TMC3: variants seen among roughly 807,000 people sequenced by gnomAD.
TMC3 encodes transmembrane channel like 3.
TMC3 carries 98 observed loss-of-function variants against 110.6 expected under a neutral mutation model. The observed-to-expected ratio is 0.89, with a 90% CI of 0.75 to 1.05. The LOEUF is 1.05. Among genes scored for constraint, TMC3 ranks in the 50% least tolerant of loss-of-function variants. TMC3 has a pLI of 0.00. For synonymous variants in TMC3, 489 were observed against 513.1 expected (o/e 0.95, Z 0.63); for missense variants, 1,319 against 1,373.2 (o/e 0.96, Z 0.62).
At chr15:81,373,932 C>G (rs1567072547) in intron 1 of TMC3, 57 bp downstream of exon 1, 1 of 1,512,290 alleles carries the variant, frequency 6.6e-7, no homozygotes, top group Non-Finnish European at 9.1e-7. Context: ...GTGACCCATG[C>G]ATTCCTTCCT....
rs911672765 is a variant in TMC3, at chr15:81,362,359, G to T, written c.313-58C>A. On this transcript the variant is annotated intron_variant, in intron 3 of 21. Transcript: ENST00000359440. ...CGTACATGAAGATGGCAATGGCTGTGCAGTACTAGGCACCTAAATGGAGTA... is the reference window on the plus strand; with the variant it reads ...CGTACATGAAGATGGCAATGGCTGTTCAGTACTAGGCACCTAAATGGAGTA... The T allele has an allele frequency of 6.1e-6, 8 of 1,317,816 alleles. No homozygotes were observed. In the South Asian group the frequency reaches 7.4e-5, roughly 12 times the overall value. The allele number at this position is 1,317,816 out of a possible 1,614,324, so 81.6% of individuals were successfully genotyped here.
In TMC3 at chr15:81,332,730, C is replaced by T. The variant is rs200706433; in HGVS notation, c.2992G>A (p.Glu998Lys). ...CTCTCAAGGTGACCCTCAAAATCTT[C>T]ATTCCACGACTTGTAGTGCACCCTC... ...QGRVHYKSWNEDFEGHLERPA... is the reference protein window; with the variant it reads ...QGRVHYKSWNKDFEGHLERPA... The change falls in exon 22 of 22, where the codon GAA becomes AAA. Residue 998 changes from glutamate to lysine, a missense_variant. Transcript: ENST00000359440. 2 of 1,613,764 alleles carry T rather than the reference C, an allele frequency of 1.2e-6. No homozygotes were observed. Among genetic ancestry groups the T allele is most frequent in the Non-Finnish European group, 1.7e-6 (2 of 1,179,836 alleles).
intron 3 of TMC3, among the ~76,000 whole-genome samples, chr15:81,364,714 T>TA (rs983387408): frequency 8.4e-6 from 1 of 118,886 alleles, no homozygotes; most frequent in Admixed American, 7.9e-5. Flanking sequence ...AAAAAAAAAA[T>TA]AAAAAATAAA....
Position 81,337,848 on chromosome 15 carries a change from T to C in TMC3, c.2158A>G (p.Asn720Asp). 3 of 1,613,430 alleles carry C rather than the reference T, an allele frequency of 1.9e-6. No homozygotes were observed. Among genetic ancestry groups the C allele is most frequent in the African/African-American group, 2.7e-5 (2 of 75,044 alleles). Residue 720 changes from asparagine (N) to aspartate (D), a missense_variant and splice_region_variant, in exon 19 of 22, where the codon AAC (asparagine) becomes GAC (aspartate). Asn to Asp is a conservative substitution (Grantham distance 23). Coordinates refer to ENST00000359440, the MANE Select transcript of TMC3 (RefSeq NM_001080532.3). Reference sequence around the variant, plus strand: ...AGCAAAGTTCATGAAATACTTGCGTTTTGGATCTGCATTTTGAGCTGGTGG... The same window carrying C: ...AGCAAAGTTCATGAAATACTTGCGTCTTGGATCTGCATTTTGAGCTGGTGG... ...SNHQLKMQIQ[N>D]ARSEDKKKVA...
At chr15:81,337,329 G>A (rs995681407) in intron 19 of TMC3, among the ~76,000 whole-genome samples, 4 of 152,166 alleles carry the variant, frequency 2.6e-5, no homozygotes, top group African/African-American at 9.7e-5. Flanking sequence ...AGGAGAAATT[G>A]TGGGAGTTTT....
At chr15:81,355,800 T>C in intron 8 of TMC3, 32 bp from the exon 9 acceptor site, 1 of 1,375,816 alleles carries the variant, frequency 7.3e-7, no homozygotes, top group Non-Finnish European at 1.0e-6. Context: ...CAATAAAAGC[T>C]TAGCATCATC....
chr15:81,339,395 T>C lies in TMC3; in HGVS notation c.1954A>G (p.Ser652Gly). 1 of 1,607,516 alleles carries C rather than the reference T, an allele frequency of 6.2e-7. No homozygotes were observed. The highest frequency in any genetic ancestry group is 8.5e-7 in the Non-Finnish European group (1 of 1,176,624). ...GGCAGAGCTGGGAACGAAACTTACC[T>C]GAATGGCCCACAGTTTAGAGATGGC... is the stretch of plus-strand genomic sequence containing the variant. The part of the protein sequence containing the change: ...YKPSLNCGPF[S>G]GQEKIYDIVS... The change falls in exon 17 of 22, where the codon AGT becomes GGT. Residue 652 changes from serine (S) to glycine (G), a missense_variant and splice_region_variant. Transcript: ENST00000359440.
rs774243935 is a variant in TMC3, at chr15:81,332,883, C to G, written c.2839G>C (p.Glu947Gln). The G allele has an allele frequency of 4.3e-6, 7 of 1,613,292 alleles. No homozygotes were observed. In the East Asian group the frequency reaches 1.6e-4, roughly 36 times the overall value. ...PSPQLSEEEE[E>Q]TPSRDWIKRS... ...TTGATCCAATCTCTGCTTGGCGTCT[C>G]CTCCTCTTCTTCACTCAGCTGTGGG... is the stretch of plus-strand genomic sequence containing the variant. The change falls in exon 22 of 22, where the codon GAG becomes CAG. Residue 947 changes from glutamate to glutamine, a missense_variant. Physicochemically the swap from Glu to Gln is conservative, Grantham distance 29 (BLOSUM62 2). Transcript: ENST00000359440.
chr15:81,366,262 G>A (rs762738974), intron 3 of TMC3, among the ~76,000 whole-genome samples: 5 of 152,190 alleles, frequency 3.3e-5, no homozygotes, highest in Non-Finnish European at 7.3e-5. Flanking sequence ...GTCAGGGAAG[G>A]TCTAGCTGAG....
intron 9 of TMC3, 148 bp downstream of exon 9, chr15:81,355,577 C>A: frequency 1.6e-6 from 1 of 623,388 alleles, no homozygotes; most frequent in Non-Finnish European, 2.8e-6. Context: ...AAAAATCATT[C>A]AGTTCCCTCA....
intron 1 of TMC3, among the ~76,000 whole-genome samples, chr15:81,373,567 T>C (rs1002863600): frequency 6.6e-6 from 1 of 152,242 alleles, no homozygotes. Flanking sequence ...CCTTTATAAA[T>C]ATTTAACAAA....
chr15:81,368,842 T>G (rs1476958781), intron 2 of TMC3, among the ~76,000 whole-genome samples: 1 of 152,224 alleles, frequency 6.6e-6, no homozygotes, highest in Non-Finnish European at 1.5e-5. Flanking sequence ...AACAAACTTC[T>G]AACACACTGA....
rs780781989 is a variant in TMC3 at position 81,346,482 on chromosome 15, G to A, written c.1194-39C>T. ...GCCCACCTTGAGAAACAAGACCATG[G>A]CATAGAAGTCCGTGGTTCTAGAGCC... On this transcript the variant is annotated intron_variant, in intron 11 of 21. Transcript: ENST00000359440. The A allele has an allele frequency of 3.5e-5, 56 of 1,597,648 alleles. No homozygotes were observed. In the Middle Eastern group the frequency reaches 5.0e-4, roughly 14 times the overall value.
At chr15:81,360,307 T>G (rs1013205343) in intron 4 of TMC3, among the ~76,000 whole-genome samples, 4 of 152,222 alleles carry the variant, frequency 2.6e-5, no homozygotes, top group Non-Finnish European at 2.9e-5. Context: ...TTGTATAAGA[T>G]TGGCATTTCT....
chr15:81,356,614 A>G lies in TMC3; in HGVS notation c.744-20T>C. ...GCCATCCTGCAAAAGAGGAGCACAA[A>G]CAGGTCTTGGGAGTCTCAGGAATAG... On this transcript the variant is annotated intron_variant, in intron 7 of 21. Coordinates refer to ENST00000359440, the MANE Select transcript of TMC3 (RefSeq NM_001080532.3). 6.3e-7 allele frequency: 1 copy of G among 1,578,022 alleles called. No homozygotes were observed. Among genetic ancestry groups the G allele is most frequent in the South Asian group, 1.2e-5 (1 of 85,552 alleles).
intron 14 of TMC3, 25 bp downstream of exon 14, chr15:81,343,892 C>T: frequency 6.2e-7 from 1 of 1,606,950 alleles, no homozygotes; most frequent in Non-Finnish European, 8.5e-7. Flanking sequence ...ATAAACTTTC[C>T]CAACAGACAC....
intron 2 of TMC3, among the ~76,000 whole-genome samples, chr15:81,370,461 C>T (rs376507243): frequency 9.5e-4 from 144 of 152,206 alleles, no homozygotes; most frequent in African/African-American, 3.2e-3. Context: ...AACACATGGC[C>T]GGTGTCAGCC....
intron 3 of TMC3, among the ~76,000 whole-genome samples, chr15:81,367,608 A>G (rs1168717078): frequency 1.3e-5 from 2 of 152,228 alleles, no homozygotes; most frequent in African/African-American, 4.8e-5. Context: ...TCTCATTGTA[A>G]GAAATACAGC....
chr15:81,336,660 C>T lies in TMC3; in HGVS notation c.2161-9G>A. On this transcript the variant is annotated splice_polypyrimidine_tract_variant and intron_variant, in intron 19 of 21. Coordinates refer to ENST00000359440, the MANE Select transcript of TMC3 (RefSeq NM_001080532.3). The stretch of plus-strand genomic sequence containing the variant: ...TTATCCTCTGATCTTGCCTAAAATG[C>T]AAATGATATGCATGTTTGTTTTGGC... 1 of 1,613,784 alleles carries T rather than the reference C, an allele frequency of 6.2e-7. No homozygotes were observed. The highest frequency in any genetic ancestry group is 1.3e-5 in the African/African-American group (1 of 75,034).
Sources: gnomAD v4.1 joint callset for allele counts (sites outside exome capture counted in the v4.1 genomes callset) on GRCh38, gnomAD v4.1.1 for gene constraint, MANE v1.5 for transcripts, NCBI Gene and HGNC (gene_info 2026-07-23, HGNC 2026-07-21) for gene names.